IL1RAPL1: variants seen among roughly 807,000 people sequenced by gnomAD.
IL1RAPL1 encodes interleukin 1 receptor accessory protein like 1.
Under a neutral mutation model 48.4 loss-of-function variants are expected in IL1RAPL1, and 3 were observed. That is an observed-to-expected ratio of 0.06 (90% CI 0.03 to 0.16). The LOEUF (loss-of-function observed/expected upper bound fraction) is 0.16. Among genes scored for constraint, IL1RAPL1 ranks in the 10% least tolerant of loss-of-function variants. The pLI is 1.00. For missense variants in IL1RAPL1, 349 were observed against 530.6 expected (o/e 0.66, Z 3.36); for synonymous variants, 185 against 187.7 (o/e 0.99, Z 0.12).
chrX:29,513,378 A>G (rs1326237898), intron 5 of IL1RAPL1, among the ~76,000 whole-genome samples: 1 of 111,862 alleles, frequency 8.9e-6, no homozygotes, highest in Non-Finnish European at 1.9e-5. Context: ...GTCTCCTATC[A>G]TATTATATTA....
At chrX:29,623,486 G>C (rs1924529420) in intron 5 of IL1RAPL1, among the ~76,000 whole-genome samples, 1 of 111,533 alleles carries the variant, frequency 9.0e-6, no homozygotes, top group Non-Finnish European at 1.9e-5. Context: ...TCTCTTGATA[G>C]TTATTTGACA....
chrX:29,498,214 C>T (rs767360496), intron 5 of IL1RAPL1, among the ~76,000 whole-genome samples: 7 of 111,857 alleles, frequency 6.3e-5, no homozygotes, highest in Admixed American at 1.9e-4. Context: ...AGATGAGCCT[C>T]TTTTAGTCCC....
intron 6 of IL1RAPL1, among the ~76,000 whole-genome samples, chrX:29,803,330 T>C (rs189760510): frequency 0.012 from 703 of 57,540 alleles, 59 homozygotes; most frequent in African/African-American, 0.041. Flanking sequence ...TGTATACATG[T>C]ATACACATAT....
chrX:29,303,512 C>A (rs368858177), intron 3 of IL1RAPL1, among the ~76,000 whole-genome samples: 1 of 111,157 alleles, frequency 9.0e-6, no homozygotes, highest in African/African-American at 3.3e-5. Context: ...ACTCTCTAAC[C>A]AGAAGACCTA....
At chrX:29,454,415 A>G (rs1057051855) in intron 5 of IL1RAPL1, among the ~76,000 whole-genome samples, 2 of 111,772 alleles carry the variant, frequency 1.8e-5, no homozygotes, top group African/African-American at 6.5e-5. Flanking sequence ...CAGGCATGAG[A>G]ATTGGCCAAT....
intron 3 of IL1RAPL1, among the ~76,000 whole-genome samples, chrX:29,345,272 C>A (rs749534245): frequency 9.0e-6 from 1 of 111,495 alleles, no homozygotes; most frequent in South Asian, 3.8e-4. Flanking sequence ...ATGTCAGTAT[C>A]GATTTATTTT....
chrX:29,573,804 C>G (rs775307753), intron 5 of IL1RAPL1, among the ~76,000 whole-genome samples: 12 of 111,833 alleles, frequency 1.1e-4, no homozygotes, highest in Non-Finnish European at 2.1e-4. Flanking sequence ...CTGCCTAGCT[C>G]TATTATCCTA....
chrX:29,776,705 A>G lies in IL1RAPL1; in HGVS notation c.778+108201A>G, dbSNP rs752009169. 3.6e-5 allele frequency among the ~76,000 whole-genome samples: 4 copies of G among 111,936 alleles called. No homozygotes were observed. In the South Asian group the frequency reaches 1.5e-3, roughly 41 times the overall value. ...AGTAATTTAGACTATTTTATGGTTT[A>G]TAGTCTCTTTTTGATCAGCTGTGGG... On this transcript the variant is annotated intron_variant, in intron 6 of 10. Coordinates refer to ENST00000378993, the MANE Select transcript of IL1RAPL1 (RefSeq NM_014271.4).
At chrX:29,074,024 A>G (rs1927620151) in intron 2 of IL1RAPL1, among the ~76,000 whole-genome samples, 1 of 111,613 alleles carries the variant, frequency 9.0e-6, no homozygotes, top group Admixed American at 9.6e-5. Context: ...TACTTCACAA[A>G]TAAGGTGATG....
intron 2 of IL1RAPL1, among the ~76,000 whole-genome samples, chrX:29,206,854 A>G (rs1930676417): frequency 8.9e-6 from 1 of 112,071 alleles, no homozygotes; most frequent in African/African-American, 3.2e-5. Flanking sequence ...TGGTAAGTTA[A>G]TACACAAAAT....
intron 2 of IL1RAPL1, among the ~76,000 whole-genome samples, chrX:29,060,497 T>A (rs1228479464): frequency 1.8e-5 from 2 of 112,082 alleles, no homozygotes; most frequent in African/African-American, 6.5e-5. Context: ...CTTACTCCAA[T>A]GGATTAATCA....
chrX:29,803,332 T>C lies in IL1RAPL1; in HGVS notation c.779-114132T>C, dbSNP rs1197291429. ...ACACATGTATATATGTATACATGTA[T>C]ACACATATGTATATATGTATACATG... On this transcript the variant is annotated intron_variant, in intron 6 of 10. Coordinates refer to ENST00000378993, the MANE Select transcript of IL1RAPL1 (RefSeq NM_014271.4). 6.4e-5 allele frequency among the ~76,000 whole-genome samples: 4 copies of C among 62,521 alleles called. 1 individual carries two copies. The highest frequency in any genetic ancestry group is 2.4e-4 in the African/African-American group (4 of 16,375). The allele number at this position is 62,521 out of a possible 115,157, so 54.3% of individuals were successfully genotyped here. A position where few individuals can be genotyped will look rare whatever the true frequency, so the allele number is the denominator to read the frequency against.
At chrX:29,676,793 C>A (rs1364585056) in intron 6 of IL1RAPL1, among the ~76,000 whole-genome samples, 3 of 111,517 alleles carry the variant, frequency 2.7e-5, no homozygotes, top group Non-Finnish European at 5.7e-5. Context: ...TCAAGTTCTT[C>A]ATGAAGGTTT....
chrX:29,898,332 G>A (rs1212454473), intron 6 of IL1RAPL1, among the ~76,000 whole-genome samples: 1 of 112,196 alleles, frequency 8.9e-6, no homozygotes, highest in East Asian at 2.8e-4. Context: ...AGACTGACCA[G>A]GTTGATCACA....
At chrX:29,170,594 AAT>A (rs1283868729) in intron 2 of IL1RAPL1, among the ~76,000 whole-genome samples, 4 of 111,405 alleles carry the variant, frequency 3.6e-5, no homozygotes, top group Non-Finnish European at 7.5e-5. Context: ...AAAAATGGGA[AAT>A]ATGTTTAGTG....
At chrX:29,060,417 CTGA>C (rs1042347669) in intron 2 of IL1RAPL1, among the ~76,000 whole-genome samples, 3 of 111,697 alleles carry the variant, frequency 2.7e-5, no homozygotes, top group Non-Finnish European at 5.6e-5. Flanking sequence ...TTCTATTTTT[CTGA>C]TCACAATATC....
At chrX:29,102,630 C>T (rs1188300425) in intron 2 of IL1RAPL1, among the ~76,000 whole-genome samples, 2 of 107,028 alleles carry the variant, frequency 1.9e-5, no homozygotes, top group African/African-American at 6.9e-5. Flanking sequence ...CATGCCTTTG[C>T]ACTCCAGCCT....
At chrX:28,998,859 A>G (rs1330378960) in intron 2 of IL1RAPL1, among the ~76,000 whole-genome samples, 2 of 112,158 alleles carry the variant, frequency 1.8e-5, no homozygotes, top group Non-Finnish European at 1.9e-5. Context: ...TTCTTTCAAC[A>G]GCGGAGTATA....
At chrX:29,129,952 C>G (rs1361596143) in intron 2 of IL1RAPL1, among the ~76,000 whole-genome samples, 3 of 110,550 alleles carry the variant, frequency 2.7e-5, no homozygotes, top group African/African-American at 6.6e-5. Flanking sequence ...TCTAAAGAAC[C>G]CTCATATTTT....
Sources: allele counts gnomAD v4.1 joint callset (sites outside exome capture counted in the v4.1 genomes callset), GRCh38; gene constraint gnomAD v4.1.1; transcripts MANE v1.5; gene names NCBI Gene and HGNC (gene_info 2026-07-23, HGNC 2026-07-21).